NAP1L4: variants seen among roughly 807,000 people sequenced by gnomAD.
The protein encoded by NAP1L4 is nucleosome assembly protein 1 like 4.
NAP1L4 carries 15 observed loss-of-function variants against 58.2 expected under a neutral mutation model. That is an observed-to-expected ratio of 0.26 (90% CI 0.17 to 0.40). The LOEUF is 0.40. Among genes scored for constraint, NAP1L4 ranks in the 10% least tolerant of loss-of-function variants. NAP1L4 has a pLI of 1.00. For missense variants in NAP1L4, 384 were observed against 451.1 expected (o/e 0.85, Z 1.35); for synonymous variants, 171 against 155.6 (o/e 1.10, Z -0.74).
intron 15 of NAP1L4, among the ~76,000 whole-genome samples, chr11:2,947,487 A>C (rs948318351): frequency 6.6e-6 from 1 of 152,210 alleles, no homozygotes; most frequent in African/African-American, 2.4e-5. Context: ...GGAAGGCAGC[A>C]TGTGGCCCAC....
Position 2,954,409 on chromosome 11 carries a change from G to T in NAP1L4, c.1035+118C>A. 1.4e-6 allele frequency: 2 copies of T among 1,407,512 alleles called. No homozygotes were observed. Among genetic ancestry groups the T allele is most frequent in the Non-Finnish European group, 2.0e-6 (2 of 1,003,160 alleles). The allele number at this position is 1,407,512 out of a possible 1,614,324, so 87.2% of individuals were successfully genotyped here. ...GGACAGCAGCTTGGACTACATATCT[G>T]GCTGATGATGTAATAAAAAGATTAG... On this transcript the variant is annotated intron_variant, in intron 12 of 15. Coordinates refer to ENST00000380542, the MANE Select transcript of NAP1L4 (RefSeq NM_005969.4). The surrounding 1 kb of genome is among the most constrained non-coding windows in gnomAD (Gnocchi z 4.8).
intron 7 of NAP1L4, among the ~76,000 whole-genome samples, chr11:2,966,159 T>C (rs945484933): frequency 7.2e-5 from 11 of 152,206 alleles, no homozygotes; most frequent in Admixed American, 3.3e-4. Context: ...ATTAAGTTTT[T>C]CTTAAATCAT....
chr11:2,965,760 G>A (rs144125567), intron 7 of NAP1L4, among the ~76,000 whole-genome samples: 3,494 of 152,214 alleles, frequency 0.023, 143 homozygotes, highest in African/African-American at 0.08. Flanking sequence ...TCGATCTCCT[G>A]ACCTTGTGAT....
chr11:2,979,364 T>C (rs1848166184), intron 1 of NAP1L4, 127 bp from the exon 2 acceptor site: 2 of 704,256 alleles, frequency 2.8e-6, no homozygotes, highest in Admixed American at 6.0e-5. Flanking sequence ...CTTTCTAGAG[T>C]GATGAAAATG....
chr11:2,962,320 C>T (rs1846973963), intron 8 of NAP1L4, among the ~76,000 whole-genome samples: 1 of 152,214 alleles, frequency 6.6e-6, no homozygotes, highest in Non-Finnish European at 1.5e-5. Flanking sequence ...AACAACTATT[C>T]CCCCAGCCAA....
chr11:2,951,755 G>T lies in NAP1L4; in HGVS notation c.1065+25C>A. 1.2e-6 allele frequency: 2 copies of T among 1,612,614 alleles called. No individual in the cohort carries two copies. The highest frequency in any genetic ancestry group is 1.7e-6 in the Non-Finnish European group (2 of 1,178,766). ...AAGAAACAACTTCAGGGAGGTAAGT[G>T]GCACTGCATAAACCTGTCTCTTACC... On this transcript the variant is annotated intron_variant, in intron 13 of 15. Transcript: ENST00000380542. The surrounding 1 kb of genome is among the most constrained non-coding windows in gnomAD (Gnocchi z 4.0).
In NAP1L4 at chr11:2,964,692, A is replaced by G; in HGVS notation, c.594T>C (p.Pro198=). The change falls in exon 8 of 16, where the codon CCT becomes CCC. Residue 198 remains proline (P), a synonymous_variant. Coordinates refer to ENST00000380542, the MANE Select transcript of NAP1L4 (RefSeq NM_005969.4). The part of the protein sequence containing the change: ...LQDIKVKFSD[P]GQPMSFVLEF... ...AGTCAGTACTCACCATAGGCTGTCC[A>G]GGGTCAGAAAATTTCACTTTAATAT... is the stretch of plus-strand genomic sequence containing the variant. 1 of 1,613,864 alleles carries G rather than the reference A, an allele frequency of 6.2e-7. No individual in the cohort carries two copies. The highest frequency in any genetic ancestry group is 1.1e-5 in the South Asian group (1 of 91,048).
At chr11:2,964,858 A>T (rs904747219) in intron 7 of NAP1L4, 107 bp from the exon 8 acceptor site, 8 of 776,932 alleles carry the variant, frequency 1.0e-5, no homozygotes, top group African/African-American at 1.7e-5. Context: ...AACTAGCCCT[A>T]TTGGAATTCT....
intron 9 of NAP1L4, 200 bp from the exon 10 acceptor site, chr11:2,958,744 T>C (rs1846695454): frequency 6.9e-6 from 4 of 578,554 alleles, no homozygotes; most frequent in Non-Finnish European, 1.2e-5. Context: ...TCAACTTGGG[T>C]GTGACCACTG....
chr11:2,946,087 G>A lies in NAP1L4; in HGVS notation c.*33-441C>T, dbSNP rs1845926201. 6.6e-6 allele frequency among the ~76,000 whole-genome samples: 1 copy of A among 152,172 alleles called. No individual in the cohort carries two copies. The highest frequency in any genetic ancestry group is 2.4e-5 in the African/African-American group (1 of 41,430). On this transcript the variant is annotated intron_variant, in intron 15 of 15. Transcript: ENST00000380542. The surrounding 1 kb of genome is among the most constrained non-coding windows in gnomAD (Gnocchi z 4.8). Reference sequence around the variant, plus strand: ...CCACTTCTCAAGGGCACATCTGTCTGGGGGTAGGCTGGGCCCTTGGCGCTC... The same window carrying A: ...CCACTTCTCAAGGGCACATCTGTCTAGGGGTAGGCTGGGCCCTTGGCGCTC...
At chr11:2,972,302 T>C (rs776859384) in intron 4 of NAP1L4, 59 bp from the exon 5 acceptor site, 1 of 1,451,602 alleles carries the variant, frequency 6.9e-7, no homozygotes. Flanking sequence ...GCAGCATGCT[T>C]TTCAATTTTA....
At position 2,951,642 on chromosome 11, in the gene NAP1L4, A is replaced by G. The variant is rs1484585717; in HGVS notation, c.1065+138T>C. ...GCTATGCATTTCTGCTTAGTGTTTT[A>G]AGAACATTCTTAGAATCAAAGACAG... On this transcript the variant is annotated intron_variant, in intron 13 of 15. Transcript: ENST00000380542. The surrounding 1 kb of genome is among the most constrained non-coding windows in gnomAD (Gnocchi z 4.0). 1.2e-6 allele frequency: 1 copy of G among 831,988 alleles called. No homozygotes were observed. Among genetic ancestry groups the G allele is most frequent in the Non-Finnish European group, 2.0e-6 (1 of 512,230 alleles). The allele number at this position is 831,988 out of a possible 1,614,324, so 51.5% of individuals were successfully genotyped here. A position where few individuals can be genotyped will look rare whatever the true frequency, so the allele number is the denominator to read the frequency against.
intron 4 of NAP1L4, among the ~76,000 whole-genome samples, chr11:2,973,986 T>C (rs1590253464): frequency 6.6e-6 from 1 of 152,208 alleles, no homozygotes; most frequent in Non-Finnish European, 1.5e-5. Flanking sequence ...CAGGCTGGTC[T>C]CGAACTCCTG....
chr11:2,967,052 C>T (rs1317295425), intron 7 of NAP1L4, among the ~76,000 whole-genome samples: 2 of 152,196 alleles, frequency 1.3e-5, no homozygotes, highest in African/African-American at 4.8e-5. Context: ...TATATTTCAA[C>T]TATCCCCAAA....
chr11:2,990,420 C>G (rs904919064), intron 1 of NAP1L4: 37 of 152,184 alleles, frequency 2.4e-4, no homozygotes, highest in African/African-American at 8.7e-4. Flanking sequence ...GTTGCTTTCT[C>G]TGAACTTCAT....
chr11:2,945,929 T>G (rs565681876), intron 15 of NAP1L4, among the ~76,000 whole-genome samples: 34 of 152,122 alleles, frequency 2.2e-4, no homozygotes, highest in Admixed American at 1.4e-3. Flanking sequence ...GTGGTGGAGC[T>G]CCAGGGGCCT....
chr11:2,948,272 G>A lies in NAP1L4; in HGVS notation c.*32+955C>T, dbSNP rs1051213570. On this transcript the variant is annotated intron_variant, in intron 15 of 15. Coordinates refer to ENST00000380542, the MANE Select transcript of NAP1L4 (RefSeq NM_005969.4). The surrounding 1 kb of genome is among the most constrained non-coding windows in gnomAD (Gnocchi z 5.1). ...GAAAGCAGCCTACATGAGGAAGACA[G>A]GGAGGCGGTGGCGCTAAGACCTCAA... 1.7e-4 allele frequency among the ~76,000 whole-genome samples: 26 copies of A among 152,234 alleles called. No homozygotes were observed. The highest frequency in any genetic ancestry group is 5.3e-4 in the African/African-American group (22 of 41,454).
chr11:2,946,030 G>T lies in NAP1L4; in HGVS notation c.*33-384C>A, dbSNP rs1045718135. ...GGCAGCTCCATCCAGGAAGGCCACC[G>T]CGGAGGCAACCCCTCTTGGTGCCAA... On this transcript the variant is annotated intron_variant, in intron 15 of 15. Transcript: ENST00000380542. This position sits in a 1 kb window ranked among gnomAD's most constrained non-coding sequence, Gnocchi z 4.8. Among the ~76,000 whole-genome samples the T allele has an allele frequency of 6.6e-6, 1 of 152,154 alleles. No individual in the cohort carries two copies.
chr11:2,972,933 T>C (rs1847733866), intron 4 of NAP1L4, among the ~76,000 whole-genome samples: 2 of 152,004 alleles, frequency 1.3e-5, no homozygotes, highest in African/African-American at 4.8e-5. Context: ...ATTGCGCTAC[T>C]GCACTCCAGC....
Sources: gnomAD v4.1 joint callset for allele counts (sites outside exome capture counted in the v4.1 genomes callset) on GRCh38, gnomAD v4.1.1 for gene constraint, Gnocchi (gnomAD v3.1) non-coding constraint, MANE v1.5 for transcripts, NCBI Gene and HGNC (gene_info 2026-07-23, HGNC 2026-07-21) for gene names.